Variants in CDKAL1 observed in about 807,000 individuals in gnomAD.
CDKAL1 encodes CDKAL1 threonylcarbamoyladenosine tRNA methylthiotransferase.
Under a neutral mutation model 68.2 loss-of-function variants are expected in CDKAL1, and 32 were observed. The ratio of observed to expected loss-of-function variants is 0.47; its 90% CI spans 0.35 to 0.63. CDKAL1 has a LOEUF of 0.63. Ranked by LOEUF, CDKAL1 falls within the 30% of genes least tolerant of loss-of-function variation. CDKAL1 has a pLI of 0.00. For missense variants in CDKAL1, 606 were observed against 696.7 expected (o/e 0.87, Z 1.47); for synonymous variants, 234 against 244.3 (o/e 0.96, Z 0.39).
At chr6:20,967,972 T>C (rs1258515388) in intron 10 of CDKAL1, among the ~76,000 whole-genome samples, 1 of 152,164 alleles carries the variant, frequency 6.6e-6, no homozygotes, top group Non-Finnish European at 1.5e-5. Flanking sequence ...CAAATGTTAA[T>C]CTTACTGAGG....
At chr6:20,644,113 A>T (rs1242571078) in intron 4 of CDKAL1, among the ~76,000 whole-genome samples, 1 of 149,620 alleles carries the variant, frequency 6.7e-6, no homozygotes, top group Non-Finnish European at 1.5e-5. Flanking sequence ...AATTACAGGC[A>T]CAAGCCACCG....
At chr6:20,891,499 T>A (rs912491346) in intron 9 of CDKAL1, among the ~76,000 whole-genome samples, 2 of 151,882 alleles carry the variant, frequency 1.3e-5, no homozygotes, top group Admixed American at 1.3e-4. Flanking sequence ...TCTCACTCTT[T>A]GTCACTCATC....
intron 6 of CDKAL1, among the ~76,000 whole-genome samples, chr6:20,748,555 G>GGAAAAAAAAAAAAAA (rs1773766913): frequency 3.5e-5 from 1 of 28,770 alleles, no homozygotes; most frequent in African/African-American, 1.2e-4. Context: ...TCTGTTTCTG[G>GGAAAAAAAAAAAAAA]AAAAAAAAAA....
intron 8 of CDKAL1, among the ~76,000 whole-genome samples, chr6:20,838,960 G>A (rs1581677617): frequency 6.7e-6 from 1 of 149,756 alleles, no homozygotes; most frequent in East Asian, 2.0e-4. Context: ...GGGAGACAGA[G>A]CGAGACTCCA....
chr6:20,913,039 T>C (rs1227671733), intron 9 of CDKAL1, among the ~76,000 whole-genome samples: 1 of 151,750 alleles, frequency 6.6e-6, no homozygotes, highest in Non-Finnish European at 1.5e-5. Context: ...AGCAGATATC[T>C]CTGCCTATTT....
At chr6:20,552,394 A>G (rs1020730564) in intron 4 of CDKAL1, among the ~76,000 whole-genome samples, 1 of 152,060 alleles carries the variant, frequency 6.6e-6, no homozygotes, top group African/African-American at 2.4e-5. Context: ...AAGGAAAATC[A>G]GATATTGACT....
chr6:20,785,805 G>A (rs774403743), intron 8 of CDKAL1, among the ~76,000 whole-genome samples: 14 of 151,652 alleles, frequency 9.2e-5, no homozygotes, highest in Non-Finnish European at 1.3e-4. Flanking sequence ...TTCATTTTTC[G>A]TTTAGGAAAA....
chr6:21,225,521 T>C (rs996644456), intron 15 of CDKAL1, among the ~76,000 whole-genome samples: 1 of 152,174 alleles, frequency 6.6e-6, no homozygotes, highest in African/African-American at 2.4e-5. Flanking sequence ...GCAGCCCTTA[T>C]TGTGAACCTT....
chr6:21,000,643 A>G (rs566028434), intron 11 of CDKAL1, among the ~76,000 whole-genome samples: 3 of 152,144 alleles, frequency 2.0e-5, no homozygotes, highest in Non-Finnish European at 4.4e-5. Flanking sequence ...GATTATTTTT[A>G]TACCTGACCT....
At chr6:21,073,005 A>T (rs1582142616) in intron 12 of CDKAL1, among the ~76,000 whole-genome samples, 1 of 151,666 alleles carries the variant, frequency 6.6e-6, no homozygotes, top group Admixed American at 6.6e-5. Context: ...TCTTCCCCAA[A>T]CCCCTGGCAA....
At chr6:20,872,112 CA>C (rs1760252257) in intron 9 of CDKAL1, among the ~76,000 whole-genome samples, 1 of 151,916 alleles carries the variant, frequency 6.6e-6, no homozygotes, top group Non-Finnish European at 1.5e-5. Flanking sequence ...AGTAGCCACA[CA>C]AAAAATATCA....
At chr6:20,785,314 CTTTT>C (rs5874783) in intron 8 of CDKAL1, among the ~76,000 whole-genome samples, 2 of 96,096 alleles carry the variant, frequency 2.1e-5, no homozygotes, top group Admixed American at 1.1e-4. Flanking sequence ...ATTTCTTTTT[CTTTT>C]TTTTTTTTTT....
At chr6:21,120,747 G>A (rs1774670505) in intron 13 of CDKAL1, among the ~76,000 whole-genome samples, 1 of 151,932 alleles carries the variant, frequency 6.6e-6, no homozygotes, top group Non-Finnish European at 1.5e-5. Flanking sequence ...GTATATCTTG[G>A]AGATAATTTC....
intron 2 of CDKAL1, among the ~76,000 whole-genome samples, chr6:20,537,700 A>G (rs1763230875): frequency 6.6e-6 from 1 of 151,200 alleles, no homozygotes; most frequent in Non-Finnish European, 1.5e-5. Context: ...TCTTCCTATC[A>G]TTTTGAGTAT....
intron 10 of CDKAL1, among the ~76,000 whole-genome samples, chr6:20,961,119 G>A (rs1179235242): frequency 6.6e-6 from 1 of 152,158 alleles, no homozygotes; most frequent in Non-Finnish European, 1.5e-5. Flanking sequence ...TGGATTTTAT[G>A]TATTTAAGAC....
At chr6:20,904,555 T>C (rs1762149085) in intron 9 of CDKAL1, among the ~76,000 whole-genome samples, 1 of 152,098 alleles carries the variant, frequency 6.6e-6, no homozygotes, top group Non-Finnish European at 1.5e-5. Context: ...TTTGGGAGGC[T>C]GAAGCAGGTG....
intron 4 of CDKAL1, among the ~76,000 whole-genome samples, chr6:20,575,850 A>G (rs1460834612): frequency 6.6e-6 from 1 of 152,148 alleles, no homozygotes; most frequent in Non-Finnish European, 1.5e-5. Context: ...TTCGTAAGGA[A>G]CAAGGCAGTC....
At chr6:21,145,165 T>C (rs186166683) in intron 13 of CDKAL1, among the ~76,000 whole-genome samples, 4 of 152,272 alleles carry the variant, frequency 2.6e-5, no homozygotes, top group Admixed American at 2.0e-4. Context: ...GGCAGTCACG[T>C]TTTCCTTCTC....
chr6:21,044,805 G>A (rs144655259), intron 11 of CDKAL1, among the ~76,000 whole-genome samples: 8 of 152,114 alleles, frequency 5.3e-5, no homozygotes, highest in African/African-American at 9.6e-5. Flanking sequence ...GTCTTAATCC[G>A]TTTGTGCTGC....
Sources: allele counts gnomAD v4.1 joint callset (sites outside exome capture counted in the v4.1 genomes callset), GRCh38; gene constraint gnomAD v4.1.1; transcripts MANE v1.5; gene names NCBI Gene and HGNC (gene_info 2026-07-23, HGNC 2026-07-21).